Variants in OARD1 observed in about 807,000 individuals in gnomAD.
The protein encoded by OARD1 is O-acyl-ADP-ribose deacylase 1.
OARD1 carries 19 observed loss-of-function variants against 19.7 expected under a neutral mutation model. The observed-to-expected ratio is 0.96, with a 90% confidence interval of 0.67 to 1.41. The LOEUF is 1.41. OARD1 is among the 40% of genes most tolerant of loss of function. The probability of loss-of-function intolerance (pLI) is 0.00; values close to 1 mark genes in which losing one functional copy is unlikely to be tolerated. For synonymous variants in OARD1, 70 were observed against 61.8 expected (o/e 1.13, Z -0.62); for missense variants, 190 against 183.8 (o/e 1.03, Z -0.20).
chr6:41,080,278 C>G (rs1489098637), intron 1 of OARD1, among the ~76,000 whole-genome samples: 1 of 151,910 alleles, frequency 6.6e-6, no homozygotes, highest in Non-Finnish European at 1.5e-5. Context: ...AGCAAGACCC[C>G]ATCTCAAAAT....
At position 41,066,913 on chromosome 6, in the gene OARD1, T is replaced by C. The variant is rs938667536; in HGVS notation, c.*422A>G. 6.5e-6 allele frequency: 1 copy of C among 152,946 alleles called. No homozygotes were observed. The highest frequency in any genetic ancestry group is 2.4e-5 in the African/African-American group (1 of 41,478). 9.5% of individuals were successfully genotyped at this position (152,946 alleles called of 1,614,324 possible). A position where few individuals can be genotyped will look rare whatever the true frequency, so the allele number is the denominator to read the frequency against. On this transcript the variant is annotated 3_prime_UTR_variant, in exon 6 of 6. Transcript: ENST00000424266. The stretch of plus-strand genomic sequence containing the variant: ...TAGGAGGAATCTGATGACATAAGGA[T>C]AACACCAAGTTATGTGCACAAACGA...
chr6:41,097,309 T>A (rs886660316), intron 1 of OARD1: 8 of 1,580,874 alleles, frequency 5.1e-6, no homozygotes. Flanking sequence ...CATGAGTTCC[T>A]GTTGCTTTTG....
intron 1 of OARD1, among the ~76,000 whole-genome samples, chr6:41,080,372 A>G (rs1403930203): frequency 3.3e-5 from 5 of 152,194 alleles, no homozygotes; most frequent in Admixed American, 3.3e-4. Flanking sequence ...ATTTCGGTTC[A>G]TAGTGATTAA....
intron 1 of OARD1, among the ~76,000 whole-genome samples, chr6:41,093,744 T>C (rs1403567923): frequency 6.6e-6 from 1 of 152,236 alleles, no homozygotes; most frequent in Non-Finnish European, 1.5e-5. Flanking sequence ...GTGCCGGGAT[T>C]ATAGGCGTGA....
chr6:41,076,342 C>T (rs1763733038), upstream of OARD1, among the ~76,000 whole-genome samples: 1 of 152,184 alleles, frequency 6.6e-6, no homozygotes, highest in South Asian at 2.1e-4. Context: ...ATGCTTTATA[C>T]ATGTGTGCAC....
chr6:41,088,033 A>G (rs1764092517), intron 1 of OARD1, among the ~76,000 whole-genome samples: 1 of 152,216 alleles, frequency 6.6e-6, no homozygotes, highest in African/African-American at 2.4e-5. Context: ...GAGTATTGGT[A>G]ATTGGAAACT....
intron 1 of OARD1, among the ~76,000 whole-genome samples, chr6:41,081,561 A>G (rs1763905970): frequency 6.6e-6 from 1 of 152,138 alleles, no homozygotes; most frequent in Non-Finnish European, 1.5e-5. Context: ...AATTTTGTGT[A>G]TTTGTGTTAC....
chr6:41,090,123 ATT>A, intron 1 of OARD1: 4 of 814,544 alleles, frequency 4.9e-6, no homozygotes, highest in South Asian at 1.7e-5. Flanking sequence ...CAAAAAAATA[ATT>A]TTTTTTTTTA....
At chr6:41,097,396 A>G in intron 1 of OARD1, 1 of 1,614,082 alleles carries the variant, frequency 6.2e-7, no homozygotes, top group Non-Finnish European at 8.5e-7. Flanking sequence ...GACACAGATC[A>G]TCCGAGTGTC....
At chr6:41,071,861 G>A in intron 1 of OARD1, 186 bp from the exon 2 acceptor site, 1 of 536,032 alleles carries the variant, frequency 1.9e-6, no homozygotes, top group East Asian at 2.9e-5. Context: ...TAGGTTCGGA[G>A]GCTGTCTCGA....
chr6:41,083,982 T>G, intron 1 of OARD1: 1 of 1,473,084 alleles, frequency 6.8e-7, no homozygotes, highest in Non-Finnish European at 9.1e-7. Context: ...CCAGTGATTG[T>G]CTTTTGGTAA....
At chr6:41,089,855 C>T (rs1381270033) in intron 1 of OARD1, 4 of 1,150,698 alleles carry the variant, frequency 3.5e-6, no homozygotes, top group Admixed American at 5.8e-5. Flanking sequence ...CGCGGTGGCT[C>T]ATGCCTGTAA....
chr6:41,067,887 G>A (rs888473855), intron 5 of OARD1, among the ~76,000 whole-genome samples: 4 of 152,120 alleles, frequency 2.6e-5, no homozygotes, highest in African/African-American at 9.7e-5. Context: ...GGGAATGCTG[G>A]GAAATGGTAA....
At chr6:41,081,751 G>T (rs965203891) in intron 1 of OARD1, among the ~76,000 whole-genome samples, 1 of 152,218 alleles carries the variant, frequency 6.6e-6, no homozygotes, top group Admixed American at 6.5e-5. Context: ...TTTCCTGGGG[G>T]AATAGTGACC....
intron 1 of OARD1, chr6:41,094,488 C>G (rs960459694): frequency 1.1e-5 from 18 of 1,612,866 alleles, no homozygotes; most frequent in Admixed American, 1.7e-5. Context: ...AGGATAGTCC[C>G]CATATGCAGG....
At chr6:41,073,933 C>G (rs901564226), upstream of OARD1, among the ~76,000 whole-genome samples, 1 of 152,246 alleles carries the variant, frequency 6.6e-6, no homozygotes, top group African/African-American at 2.4e-5. Context: ...GTCTCCGTTT[C>G]TTGTCCGGGC....
upstream of OARD1, among the ~76,000 whole-genome samples, chr6:41,076,420 C>G (rs950272020): frequency 6.6e-6 from 1 of 152,162 alleles, no homozygotes; most frequent in Admixed American, 6.6e-5. Flanking sequence ...AGCTACTGTT[C>G]TAGGCTTTGC....
At chr6:41,069,876 A>G (rs1036498524) in intron 4 of OARD1, 200 bp downstream of exon 4, 2 of 640,036 alleles carry the variant, frequency 3.1e-6, no homozygotes, top group Non-Finnish European at 5.7e-6. Flanking sequence ...GCAGCCTCAC[A>G]TTTCTTTCTA....
intron 3 of OARD1, among the ~76,000 whole-genome samples, chr6:41,070,455 T>C (rs1763274246): frequency 6.6e-6 from 1 of 151,056 alleles, no homozygotes; most frequent in Non-Finnish European, 1.5e-5. Context: ...TAGTGTGTAG[T>C]TTTTTACTTG....
Sources: gnomAD v4.1 joint callset for allele counts (sites outside exome capture counted in the v4.1 genomes callset) on GRCh38, gnomAD v4.1.1 for gene constraint, MANE v1.5 for transcripts, NCBI Gene and HGNC (gene_info 2026-07-23, HGNC 2026-07-21) for gene names.